CEP76: variants seen among roughly 807,000 people sequenced by gnomAD.
CEP76 encodes the protein centrosomal protein 76.
A neutral mutation model predicts 83.3 loss-of-function variants in CEP76; 55 were observed. That is an observed-to-expected ratio of 0.66 (90% CI 0.53 to 0.83). The LOEUF (loss-of-function observed/expected upper bound fraction) is 0.83, where lower values mean the gene tolerates loss of function less well. Ranked by LOEUF, CEP76 falls within the 40% of genes least tolerant of loss-of-function variation. CEP76 has a pLI of 0.00. For synonymous variants in CEP76, 270 were observed against 274.5 expected (o/e 0.98, Z 0.16); for missense variants, 694 against 799.5 (o/e 0.87, Z 1.59).
chr18:12,675,924 C>T (rs55870255), intron 10 of CEP76, among the ~76,000 whole-genome samples: 37,509 of 151,946 alleles, frequency 0.25, 5,139 homozygotes, highest in Non-Finnish European at 0.32. Context: ...CCACCTCGGC[C>T]TCCCAAAGTG....
Position 12,690,504 on chromosome 18 carries a change from G to A in CEP76, c.933+855C>T, listed in dbSNP as rs760311341. On this transcript the variant is annotated intron_variant, in intron 7 of 11. Transcript: ENST00000262127. Reference sequence around the variant, plus strand: ...GGAGTCTTGCTGTGTTGCCCAGGCCGGACTGCAGTGGTGCGATCTCGGCTC... The same window carrying A: ...GGAGTCTTGCTGTGTTGCCCAGGCCAGACTGCAGTGGTGCGATCTCGGCTC... Among the ~76,000 whole-genome samples the A allele has an allele frequency of 7.3e-5, 11 of 151,502 alleles. No homozygotes were observed. The South Asian group carries it at 2.1e-3, about 29-fold the overall frequency.
intron 8 of CEP76, 181 bp downstream of exon 8, chr18:12,686,081 T>C: frequency 2.0e-6 from 1 of 491,654 alleles, no homozygotes. Context: ...TTTATTATTG[T>C]AATTTTTTAC....
downstream of CEP76, among the ~76,000 whole-genome samples, chr18:12,672,428 T>C (rs890436292): frequency 2.0e-5 from 3 of 152,202 alleles, no homozygotes; most frequent in Non-Finnish European, 2.9e-5. Context: ...ACAAAATTTT[T>C]AAAACGTGCT....
chr18:12,670,190 C>T (rs2038907622), downstream of CEP76, among the ~76,000 whole-genome samples: 3 of 147,544 alleles, frequency 2.0e-5, no homozygotes, highest in South Asian at 2.2e-4. Context: ...ATTAGCTGGG[C>T]GTGGTAGCGT....
chr18:12,686,298 C>T lies in CEP76; in HGVS notation c.1086G>A (p.Gln362=). ...PVIGGGGKQE[Q]WCTLLAFLCR... ...AGAGAAAGGCCAGCAGAGTGCACCACTGCTCCTGTTTACCTCCTCCTCCAA... is the reference window on the plus strand; with the variant it reads ...AGAGAAAGGCCAGCAGAGTGCACCATTGCTCCTGTTTACCTCCTCCTCCAA... Residue 362 remains glutamine, a synonymous_variant, in exon 8 of 12, where the codon CAG becomes CAA. Coordinates refer to ENST00000262127, the MANE Select transcript of CEP76 (RefSeq NM_024899.4). 6.2e-7 allele frequency: 1 copy of T among 1,614,102 alleles called. No homozygotes were observed. The highest frequency in any genetic ancestry group is 8.5e-7 in the Non-Finnish European group (1 of 1,179,988).
At chr18:12,670,213 C>G (rs991079714), downstream of CEP76, among the ~76,000 whole-genome samples, 5 of 151,670 alleles carry the variant, frequency 3.3e-5, no homozygotes, top group Non-Finnish European at 7.4e-5. Context: ...GCCTGTAGTC[C>G]CAGCTACTTG....
At chr18:12,675,798 A>G (rs369758975) in intron 10 of CEP76, among the ~76,000 whole-genome samples, 3 of 152,036 alleles carry the variant, frequency 2.0e-5, no homozygotes, top group African/African-American at 7.2e-5. Context: ...ACTCCTGAGT[A>G]GCTGGGACTA....
At chr18:12,695,640 G>A (rs967968638) in intron 5 of CEP76, among the ~76,000 whole-genome samples, 1 of 151,896 alleles carries the variant, frequency 6.6e-6, no homozygotes, top group Admixed American at 6.6e-5. Flanking sequence ...TAAACTCCAG[G>A]GCTCAAGTGA....
chr18:12,673,577 G>A (rs912933116), intron 11 of CEP76, 74 bp from the exon 12 acceptor site: 6 of 1,264,594 alleles, frequency 4.7e-6, no homozygotes, highest in Non-Finnish European at 3.3e-6. Context: ...AAGTAAATCA[G>A]TATTTAAAAT....
At chr18:12,688,221 T>C (rs1598641799) in intron 7 of CEP76, among the ~76,000 whole-genome samples, 1 of 107,554 alleles carries the variant, frequency 9.3e-6, no homozygotes, top group Non-Finnish European at 1.7e-5. Context: ...AGAGCGAGAC[T>C]CCATCTCAAA....
At position 12,699,799 on chromosome 18, in the gene CEP76, C is replaced by T. The variant is rs776119867; in HGVS notation, c.295+31G>A. On this transcript the variant is annotated intron_variant, in intron 3 of 11. Coordinates refer to ENST00000262127, the MANE Select transcript of CEP76 (RefSeq NM_024899.4). ...CACCACATCAATATTTACTATTAAC[C>T]ACAACTAAATTAATGTTAAAATATA... 73 of 1,244,226 alleles carry T rather than the reference C, an allele frequency of 5.9e-5. No homozygotes were observed. The South Asian group carries it at 1.1e-3, about 18-fold the overall frequency. 77.1% of individuals were successfully genotyped at this position (1,244,226 alleles called of 1,614,324 possible).
At chr18:12,683,900 AAAG>A (rs1375980639) in intron 8 of CEP76, among the ~76,000 whole-genome samples, 2 of 151,886 alleles carry the variant, frequency 1.3e-5, no homozygotes, top group East Asian at 1.9e-4. Context: ...AAAAATATAA[AAAG>A]AAATAATAAA....
At chr18:12,697,483 A>G (rs951732641) in intron 4 of CEP76, 75 bp from the exon 5 acceptor site, 15 of 986,806 alleles carry the variant, frequency 1.5e-5, no homozygotes, top group African/African-American at 6.7e-5. Context: ...TACTTTTATT[A>G]AACAGTAAAT....
chr18:12,665,975 G>A (rs567409752), intron 12 of CEP76, among the ~76,000 whole-genome samples: 1 of 152,100 alleles, frequency 6.6e-6, no homozygotes, highest in East Asian at 1.9e-4. Flanking sequence ...GATAACAGTC[G>A]TGAGCCACCG....
chr18:12,680,700 A>G lies in CEP76; in HGVS notation c.1251T>C (p.Asp417=), dbSNP rs563059756. 135 of 1,613,268 alleles carry G rather than the reference A, an allele frequency of 8.4e-5. 1 individual carries two copies. The South Asian group carries it at 1.4e-3, about 17-fold the overall frequency. ...AACTCTCCCAAAAAGTGATGGCCCC[A>G]TCAGTTCCACAAGTCATAACCCATG... The part of the protein sequence containing the change: ...PHAWVMTCGT[D]GAITFWESLT... Residue 417 remains aspartate, a synonymous_variant, in exon 9 of 12, where the codon GAT becomes GAC. Transcript: ENST00000262127.
intron 6 of CEP76, among the ~76,000 whole-genome samples, chr18:12,694,616 C>T (rs1408777554): frequency 6.6e-6 from 1 of 152,190 alleles, no homozygotes; most frequent in African/African-American, 2.4e-5. Context: ...AAGCAGCAAG[C>T]TTTCAATAAA....
At chr18:12,672,568 G>A, downstream of CEP76, 1 of 687,516 alleles carries the variant, frequency 1.5e-6, no homozygotes, top group African/African-American at 2.0e-5. Context: ...AGAAAAAAGG[G>A]TTTCAGAAGA....
intron 5 of CEP76, among the ~76,000 whole-genome samples, chr18:12,696,502 AAAT>A (rs35130356): frequency 0.09 from 13,545 of 151,294 alleles, 832 homozygotes; most frequent in Non-Finnish European, 0.13. Flanking sequence ...ACTCCATCTC[AAAT>A]AATAATAATA....
intron 10 of CEP76, among the ~76,000 whole-genome samples, chr18:12,677,482 AAAG>A (rs2039183886): frequency 6.6e-6 from 1 of 151,280 alleles, no homozygotes; most frequent in African/African-American, 2.4e-5. Context: ...AAAAAAAAAA[AAAG>A]AGGTTTGATC....
Sources: gnomAD v4.1 joint callset for allele counts (sites outside exome capture counted in the v4.1 genomes callset) on GRCh38, gnomAD v4.1.1 for gene constraint, MANE v1.5 for transcripts, NCBI Gene and HGNC (gene_info 2026-07-23, HGNC 2026-07-21) for gene names.